CREB5: variants seen among roughly 807,000 people sequenced by gnomAD.
The protein encoded by CREB5 is cyclic AMP-responsive element-binding protein 5.
In CREB5, 19 loss-of-function variants were observed where a neutral mutation model predicts 57.1. The ratio of observed to expected loss-of-function variants is 0.33; its 90% CI spans 0.23 to 0.49. The LOEUF (loss-of-function observed/expected upper bound fraction) is 0.49. CREB5 is among the 20% of genes least tolerant of loss of function. The pLI, the probability that CREB5 is intolerant of heterozygous loss-of-function variation, is 0.99. For synonymous variants in CREB5, 238 were observed against 238.3 expected, an observed-to-expected ratio of 1.00 and a Z score of 0.01; for missense variants, 579 against 671.6, an observed-to-expected ratio of 0.86 and a Z score of 1.52.
intron 1 of CREB5, among the ~76,000 whole-genome samples, chr7:28,413,126 G>GTGTGTGTGTGTGT (rs1787873648): frequency 6.9e-6 from 1 of 144,490 alleles, no homozygotes; most frequent in Non-Finnish European, 1.5e-5. Context: ...GTGTGTGTGT[G>GTGTGTGTGTGTGT]AATAAGACTA....
At chr7:28,502,046 C>A (rs1003620055) in intron 3 of CREB5, among the ~76,000 whole-genome samples, 1 of 152,130 alleles carries the variant, frequency 6.6e-6, no homozygotes, top group African/African-American at 2.4e-5. Flanking sequence ...GGTTTTTAAG[C>A]ATTCCATGTC....
chr7:28,560,869 C>CGCGTGCGCGCGT (rs1369015394), intron 4 of CREB5, among the ~76,000 whole-genome samples: 1 of 28,604 alleles, frequency 3.5e-5, no homozygotes, highest in Non-Finnish European at 6.1e-5. Context: ...CGTGTGCCTG[C>CGCGTGCGCGCGT]GTGCGCGTGC....
chr7:28,544,905 A>G (rs1450091668), intron 4 of CREB5, among the ~76,000 whole-genome samples: 1 of 152,192 alleles, frequency 6.6e-6, no homozygotes, highest in Non-Finnish European at 1.5e-5. Flanking sequence ...AAATCTGGGA[A>G]CAGCTCTGCT....
chr7:28,679,616 C>T (rs562291316), intron 5 of CREB5, among the ~76,000 whole-genome samples: 85 of 152,328 alleles, frequency 5.6e-4, no homozygotes, highest in Admixed American at 1.3e-3. Flanking sequence ...CTACTCCAAC[C>T]CTCATCCCTT....
chr7:28,805,272 G>A (rs1325235832), intron 8 of CREB5, among the ~76,000 whole-genome samples: 1 of 152,196 alleles, frequency 6.6e-6, no homozygotes, highest in Non-Finnish European at 1.5e-5. Context: ...GGACCAGGCA[G>A]ACATTATGTC....
At chr7:28,663,734 A>G (rs961479248) in intron 5 of CREB5, among the ~76,000 whole-genome samples, 3 of 152,138 alleles carry the variant, frequency 2.0e-5, no homozygotes, top group African/African-American at 7.2e-5. Flanking sequence ...GATCTGTAAT[A>G]GATAGAGAGA....
intron 1 of CREB5, among the ~76,000 whole-genome samples, chr7:28,372,045 C>T (rs572544041): frequency 6.6e-6 from 1 of 152,156 alleles, no homozygotes; most frequent in South Asian, 2.1e-4. Context: ...GAGCCCAGAA[C>T]AAAGTCGAAA....
chr7:28,394,684 T>C (rs2127998491), intron 1 of CREB5, among the ~76,000 whole-genome samples: 1 of 152,264 alleles, frequency 6.6e-6, no homozygotes, highest in African/African-American at 2.4e-5. Context: ...CACAGCCAAA[T>C]TTCCCCTACA....
chr7:28,368,073 T>C (rs927406079), intron 1 of CREB5, among the ~76,000 whole-genome samples: 1 of 152,166 alleles, frequency 6.6e-6, no homozygotes, highest in African/African-American at 2.4e-5. Flanking sequence ...CTCCACTGGC[T>C]AAAACACTAT....
chr7:28,708,635 C>T (rs1802247871), intron 5 of CREB5, among the ~76,000 whole-genome samples: 1 of 152,190 alleles, frequency 6.6e-6, no homozygotes, highest in Non-Finnish European at 1.5e-5. Context: ...AAGTCTCTTG[C>T]TGCTGGAGCT....
chr7:28,332,388 A>AGGG, intron 1 of CREB5, among the ~76,000 whole-genome samples: 1 of 152,308 alleles, frequency 6.6e-6, no homozygotes, highest in South Asian at 2.1e-4. Flanking sequence ...ACTCTACCCT[A>AGGG]GTCTCCAAAA....
At chr7:28,681,457 A>G (rs1262643527) in intron 5 of CREB5, among the ~76,000 whole-genome samples, 1 of 151,596 alleles carries the variant, frequency 6.6e-6, no homozygotes, top group Non-Finnish European at 1.5e-5. Flanking sequence ...GTAGTCTTGA[A>G]CTCCTGGGCT....
At chr7:28,662,605 G>A (rs1408583495) in intron 5 of CREB5, among the ~76,000 whole-genome samples, 1 of 152,110 alleles carries the variant, frequency 6.6e-6, no homozygotes, top group African/African-American at 2.4e-5. Context: ...ACCTACAGAC[G>A]ATGAGCTACT....
chr7:28,647,368 GA>G lies in CREB5; in HGVS notation c.465-71382del, dbSNP rs1287513812. Among the ~76,000 whole-genome samples, 12 of 152,038 alleles carry G rather than the reference GA, an allele frequency of 7.9e-5. No homozygotes were observed. The East Asian group carries it at 1.6e-3, about 20-fold the overall frequency. On this transcript the variant is annotated intron_variant, in intron 5 of 10. Transcript: ENST00000357727. The stretch of plus-strand genomic sequence containing the variant: ...TGCTCTGCTAAGACCTTATTCAACA[GA>G]AATTCCCCCCAAAAGAGGAAAGTAG...
chr7:28,561,473 C>G (rs917779335), intron 4 of CREB5, among the ~76,000 whole-genome samples: 1 of 152,124 alleles, frequency 6.6e-6, no homozygotes, highest in Non-Finnish European at 1.5e-5. Context: ...GTTTATTGGA[C>G]AGTTAATTAT....
intron 7 of CREB5, among the ~76,000 whole-genome samples, chr7:28,787,289 C>T (rs1186190094): frequency 6.6e-6 from 1 of 152,196 alleles, no homozygotes; most frequent in African/African-American, 2.4e-5. Context: ...AGCACATGGG[C>T]TGTTAGCACT....
intron 1 of CREB5, among the ~76,000 whole-genome samples, chr7:28,423,089 C>A (rs572081735): frequency 1.3e-5 from 2 of 152,298 alleles, no homozygotes; most frequent in East Asian, 3.9e-4. Flanking sequence ...CTCCCTTCTT[C>A]CTTTTCTCCT....
intron 7 of CREB5, among the ~76,000 whole-genome samples, chr7:28,793,436 G>A (rs935386848): frequency 6.6e-6 from 1 of 152,186 alleles, no homozygotes; most frequent in African/African-American, 2.4e-5. Flanking sequence ...TACGACAGAG[G>A]CCCAATGGTA....
At chr7:28,370,952 C>A (rs1194404382) in intron 1 of CREB5, among the ~76,000 whole-genome samples, 1 of 152,186 alleles carries the variant, frequency 6.6e-6, no homozygotes, top group East Asian at 1.9e-4. Context: ...AGGAAGCCAC[C>A]ACTGCAAGGT....
Sources: allele counts gnomAD v4.1 joint callset (sites outside exome capture counted in the v4.1 genomes callset), GRCh38; gene constraint gnomAD v4.1.1; transcripts MANE v1.5; gene names NCBI Gene and HGNC (gene_info 2026-07-23, HGNC 2026-07-21).